Variants in PTPRG observed in about 807,000 individuals in gnomAD.
PTPRG encodes receptor-type tyrosine-protein phosphatase gamma.
A neutral mutation model predicts 165.3 loss-of-function variants in PTPRG; 102 were observed. The ratio of observed to expected loss-of-function variants is 0.62; its 90% CI spans 0.53 to 0.73. The LOEUF (loss-of-function observed/expected upper bound fraction) is 0.73, where lower values mean the gene tolerates loss of function less well. Among genes scored for constraint, PTPRG ranks in the 30% least tolerant of loss-of-function variants. The pLI is 0.00. For missense variants in PTPRG, 1,866 were observed against 1,861.4 expected (o/e 1.00, Z -0.05); for synonymous variants, 675 against 669.5 (o/e 1.01, Z -0.13).
At chr3:62,116,403 A>G (rs1241860161) in intron 5 of PTPRG, among the ~76,000 whole-genome samples, 2 of 152,226 alleles carry the variant, frequency 1.3e-5, no homozygotes, top group East Asian at 3.8e-4. Flanking sequence ...TGCTTTATGC[A>G]ACAGAAAGAG....
chr3:62,165,336 C>G (rs1016654600), intron 7 of PTPRG, among the ~76,000 whole-genome samples: 3 of 152,170 alleles, frequency 2.0e-5, no homozygotes, highest in Non-Finnish European at 2.9e-5. Context: ...AAATCAGAAA[C>G]CTGCTCTCAC....
rs529082142 is a variant in PTPRG, at chr3:62,223,122, G to C, written c.2288+4139G>C. On this transcript the variant is annotated intron_variant, in intron 13 of 29. Transcript: ENST00000474889. The stretch of plus-strand genomic sequence containing the variant: ...AATGTGGCTCAGTGTTGTTGGAGCA[G>C]AGTGTGGGGACAGCAAGGGCCGGAT... Among the ~76,000 whole-genome samples the C allele has an allele frequency of 1.2e-3, 183 of 152,216 alleles. 1 individual carries two copies. Among genetic ancestry groups the C allele is most frequent in the Non-Finnish European group, 2.2e-3 (150 of 68,016 alleles).
chr3:62,086,571 T>C lies in PTPRG; in HGVS notation c.615+8313T>C, dbSNP rs778603817. ...CTTTCCAGTTGCTGCTGTTTGAATATCGTCCTTCTGGCATTTTCCACATCC... is the reference window on the plus strand; with the variant it reads ...CTTTCCAGTTGCTGCTGTTTGAATACCGTCCTTCTGGCATTTTCCACATCC... On this transcript the variant is annotated intron_variant, in intron 5 of 29. Transcript: ENST00000474889. Among the ~76,000 whole-genome samples, 79 of 152,232 alleles carry C rather than the reference T, an allele frequency of 5.2e-4. 1 individual carries two copies. The highest frequency in any genetic ancestry group is 3.3e-4 in the Admixed American group (5 of 15,274).
chr3:62,173,683 G>A (rs906006038), intron 8 of PTPRG, among the ~76,000 whole-genome samples: 4 of 152,084 alleles, frequency 2.6e-5, no homozygotes, highest in Non-Finnish European at 5.9e-5. Context: ...TTAACACCCG[G>A]TCATCTTTCA....
intron 1 of PTPRG, among the ~76,000 whole-genome samples, chr3:61,604,027 T>C (rs9830962): frequency 0.12 from 17,563 of 152,266 alleles, 1,123 homozygotes; most frequent in African/African-American, 0.17. Flanking sequence ...TTTATTGACA[T>C]ATATTTGTCA....
intron 4 of PTPRG, among the ~76,000 whole-genome samples, chr3:62,014,891 A>G (rs2107745845): frequency 6.6e-6 from 1 of 152,370 alleles, no homozygotes; most frequent in Middle Eastern, 3.4e-3. Context: ...TCTGCCTAAA[A>G]GTTGACTTAG....
chr3:62,091,770 A>G (rs1435262515), intron 5 of PTPRG, among the ~76,000 whole-genome samples: 1 of 152,070 alleles, frequency 6.6e-6, no homozygotes, highest in Admixed American at 6.5e-5. Context: ...AATTTATTTC[A>G]TTAGTCCCAG....
At chr3:62,207,238 T>C (rs1344208486) in intron 12 of PTPRG, among the ~76,000 whole-genome samples, 3 of 152,220 alleles carry the variant, frequency 2.0e-5, no homozygotes, top group East Asian at 3.8e-4. Context: ...GAGGATGTGA[T>C]AGTATTTCAA....
At chr3:61,730,360 T>C (rs1331593581) in intron 1 of PTPRG, among the ~76,000 whole-genome samples, 1 of 152,220 alleles carries the variant, frequency 6.6e-6, no homozygotes, top group Non-Finnish European at 1.5e-5. Context: ...GCAAAACACA[T>C]TTTTATCTCC....
At chr3:61,922,253 T>G (rs1287287282) in intron 2 of PTPRG, among the ~76,000 whole-genome samples, 1 of 152,220 alleles carries the variant, frequency 6.6e-6, no homozygotes, top group African/African-American at 2.4e-5. Context: ...GAAAGCATTC[T>G]TCTCCTGGAT....
At chr3:61,929,982 C>T (rs976172967) in intron 2 of PTPRG, among the ~76,000 whole-genome samples, 2 of 151,324 alleles carry the variant, frequency 1.3e-5, no homozygotes, top group Non-Finnish European at 2.9e-5. Flanking sequence ...AATGCTCTTT[C>T]TTGCCCTGGA....
chr3:61,592,145 T>G (rs1207330704), intron 1 of PTPRG, among the ~76,000 whole-genome samples: 2 of 151,998 alleles, frequency 1.3e-5, no homozygotes, highest in East Asian at 3.9e-4. Context: ...TTTTGTATTT[T>G]TAGTAGAAAC....
At chr3:62,015,903 G>C (rs2041533389) in intron 4 of PTPRG, among the ~76,000 whole-genome samples, 1 of 152,090 alleles carries the variant, frequency 6.6e-6, no homozygotes, top group African/African-American at 2.4e-5. Flanking sequence ...ACAATTTGAG[G>C]AGAGAAAATC....
At chr3:61,727,240 C>T (rs1189963434) in intron 1 of PTPRG, among the ~76,000 whole-genome samples, 2 of 148,676 alleles carry the variant, frequency 1.3e-5, no homozygotes, top group African/African-American at 2.5e-5. Context: ...TGGAGTAGTG[C>T]GGTGGAGTGA....
At chr3:61,851,205 G>C (rs1163193470) in intron 2 of PTPRG, among the ~76,000 whole-genome samples, 2 of 152,184 alleles carry the variant, frequency 1.3e-5, no homozygotes, top group African/African-American at 4.8e-5. Flanking sequence ...GTTGGAGAAA[G>C]GGGAGTTGGG....
chr3:61,639,294 T>A (rs1348254301), intron 1 of PTPRG, among the ~76,000 whole-genome samples: 1 of 152,366 alleles, frequency 6.6e-6, no homozygotes, highest in East Asian at 1.9e-4. Context: ...AGTACCATGC[T>A]GTTTTCGTCA....
chr3:61,979,952 C>G (rs2040600953), intron 2 of PTPRG, among the ~76,000 whole-genome samples: 1 of 151,812 alleles, frequency 6.6e-6, no homozygotes. Context: ...TCCTCTCAGC[C>G]TTTATGTCAG....
At chr3:61,612,629 G>GT (rs1292838250) in intron 1 of PTPRG, among the ~76,000 whole-genome samples, 4 of 152,116 alleles carry the variant, frequency 2.6e-5, no homozygotes, top group South Asian at 2.1e-4. Context: ...TTGTTCCTCT[G>GT]TTTTTTTCCC....
In PTPRG at chr3:62,267,692, A is replaced by G. The variant is rs146998290; in HGVS notation, c.2747A>G (p.Asn916Ser). ...TGCTGTGTCATTTTGAAGGGTTACA[A>G]CAAAGCAAAAGCCTACATTGCCACC... The part of the protein sequence containing the change: ...YINANYVDGY[N>S]KAKAYIATQG... The change falls in exon 19 of 30, where the codon AAC becomes AGC. Residue 916 changes from asparagine (N) to serine (S), a missense_variant. Around this residue, in one of 3 missense-constraint regions of PTPRG, gnomAD observed 1,452 missense variants for 1,463.0 expected, o/e 0.99. Transcript: ENST00000474889. 15 of 1,612,874 alleles carry G rather than the reference A, an allele frequency of 9.3e-6. No homozygotes were observed. Among genetic ancestry groups the G allele is most frequent in the Middle Eastern group, 1.6e-4 (1 of 6,064 alleles).
Sources: gnomAD v4.1 joint callset for allele counts (sites outside exome capture counted in the v4.1 genomes callset) on GRCh38, gnomAD v4.1.1 for gene constraint, gnomAD v4.1.1 regional missense constraint, MANE v1.5 for transcripts, NCBI Gene and HGNC (gene_info 2026-07-23, HGNC 2026-07-21) for gene names.